The following ALKBH8 variants were observed in gnomAD, a reference collection of about 807,000 sequenced individuals.
The protein encoded by ALKBH8 is alkB homolog 8, tRNA methyltransferase.
Under a neutral mutation model 59.8 loss-of-function variants are expected in ALKBH8, and 36 were observed. That is an observed-to-expected ratio of 0.60 (90% CI 0.46 to 0.79). The LOEUF (loss-of-function observed/expected upper bound fraction) is 0.79. Among genes scored for constraint, ALKBH8 ranks in the 30% least tolerant of loss-of-function variants. The pLI, the probability that ALKBH8 is intolerant of heterozygous loss-of-function variation, is 0.00. For synonymous variants in ALKBH8, 276 were observed against 273.6 expected (o/e 1.01, Z -0.09); for missense variants, 768 against 801.0 (o/e 0.96, Z 0.50).
intron 2 of ALKBH8, among the ~76,000 whole-genome samples, chr11:107,558,628 C>T (rs573549779): frequency 1.4e-4 from 21 of 151,952 alleles, no homozygotes; most frequent in African/African-American, 4.6e-4. Context: ...TAAAGGTAAA[C>T]CACACAAAAA....
At chr11:107,526,539 G>GT (rs750852623) in intron 8 of ALKBH8, among the ~76,000 whole-genome samples, 1 of 151,720 alleles carries the variant, frequency 6.6e-6, no homozygotes, top group African/African-American at 2.4e-5. Flanking sequence ...CTGCCTTCTC[G>GT]TTTTCTCAAT....
At chr11:107,535,778 A>G (rs1005110362) in intron 7 of ALKBH8, among the ~76,000 whole-genome samples, 1 of 152,106 alleles carries the variant, frequency 6.6e-6, no homozygotes, top group Non-Finnish European at 1.5e-5. Context: ...ATGAACACAG[A>G]AAGTGTGAGA....
chr11:107,546,629 G>C (rs1864268816), intron 7 of ALKBH8, among the ~76,000 whole-genome samples: 1 of 152,064 alleles, frequency 6.6e-6, no homozygotes, highest in African/African-American at 2.4e-5. Context: ...GAGATATCTT[G>C]TTATATGAGA....
intron 10 of ALKBH8, among the ~76,000 whole-genome samples, chr11:107,517,990 T>C (rs926447865): frequency 1.3e-5 from 2 of 152,200 alleles, no homozygotes; most frequent in African/African-American, 4.8e-5. Context: ...AATGTATATA[T>C]ACTTTAAAAC....
At chr11:107,550,979 A>G (rs568991179) in intron 6 of ALKBH8, among the ~76,000 whole-genome samples, 1 of 152,234 alleles carries the variant, frequency 6.6e-6, no homozygotes, top group Non-Finnish European at 1.5e-5. Context: ...AAAGTAAAAA[A>G]TAAAACCCTT....
In ALKBH8 at chr11:107,553,188, T is replaced by C; in HGVS notation, c.515A>G (p.Lys172Arg). ...TDNQNSQKSL[K>R]HRRVKHFGYE... is the part of the protein sequence containing the mutation. Reference sequence around the variant, plus strand: ...ACCAAAATGCTTTACTCTTCTGTGTTTTAAGGATTTTTGAGCTGTGTGAAG... The same window carrying C: ...ACCAAAATGCTTTACTCTTCTGTGTCTTAAGGATTTTTGAGCTGTGTGAAG... The change falls in exon 5 of 12, where the codon AAA becomes AGA. Residue 172 changes from lysine (K) to arginine (R), a missense_variant. Transcript: ENST00000428149. 11 of 1,605,848 alleles carry C rather than the reference T, an allele frequency of 6.8e-6. No homozygotes were observed. The highest frequency in any genetic ancestry group is 9.4e-6 in the Non-Finnish European group (11 of 1,176,020).
intron 1 of ALKBH8, among the ~76,000 whole-genome samples, chr11:107,563,936 C>T (rs1359923373): frequency 6.6e-6 from 1 of 152,190 alleles, no homozygotes; most frequent in Non-Finnish European, 1.5e-5. Context: ...TTCCACCATT[C>T]CAGTGGCTAG....
chr11:107,531,487 T>A (rs573788736), intron 8 of ALKBH8, among the ~76,000 whole-genome samples: 2 of 152,298 alleles, frequency 1.3e-5, no homozygotes, highest in South Asian at 4.1e-4. Flanking sequence ...AAAGGAAAGT[T>A]GAGAAACTCT....
chr11:107,518,305 G>A (rs1862955668), intron 10 of ALKBH8, among the ~76,000 whole-genome samples: 1 of 152,098 alleles, frequency 6.6e-6, no homozygotes, highest in South Asian at 2.1e-4. Context: ...ATGTATGTAG[G>A]TATTTTTAGA....
intron 7 of ALKBH8, among the ~76,000 whole-genome samples, chr11:107,533,595 C>T (rs1303848879): frequency 6.6e-6 from 1 of 152,076 alleles, no homozygotes; most frequent in African/African-American, 2.4e-5. Flanking sequence ...TTCATATAGT[C>T]ATACCCTGAA....
chr11:107,512,632 TG>T (rs1281075151), intron 10 of ALKBH8, among the ~76,000 whole-genome samples: 18 of 152,302 alleles, frequency 1.2e-4, no homozygotes, highest in Admixed American at 4.6e-4. Context: ...GTTAAGTCAC[TG>T]ATAACTATCC....
chr11:107,536,775 C>A (rs1297380133), intron 7 of ALKBH8, among the ~76,000 whole-genome samples: 1 of 152,142 alleles, frequency 6.6e-6, no homozygotes, highest in Non-Finnish European at 1.5e-5. Flanking sequence ...AGGTTTCCAA[C>A]TCCCTCCTCC....
Position 107,556,769 on chromosome 11 carries a change from T to C in ALKBH8, c.364A>G (p.Lys122Glu). Reference sequence around the variant, plus strand: ...AAAGATAATTGTATGATAATACCTTTTTCCACAAAATTCAAATACAGAGTG... The same window carrying C: ...AAAGATAATTGTATGATAATACCTTCTTCCACAAAATTCAAATACAGAGTG... ...KITLYLNFVE[K>E]VQWKELRPQA... is the part of the protein sequence containing the mutation. Residue 122 changes from lysine (K) to glutamate (E), a missense_variant, in exon 3 of 12, where the codon AAA becomes GAA. Physicochemically the swap from Lys to Glu is moderately conservative, Grantham distance 56. Coordinates refer to ENST00000428149, the MANE Select transcript of ALKBH8 (RefSeq NM_138775.3). 7.4e-7 allele frequency: 1 copy of C among 1,350,902 alleles called. No individual in the cohort carries two copies. Among genetic ancestry groups the C allele is most frequent in the East Asian group, 2.7e-5 (1 of 36,450 alleles). The allele number at this position is 1,350,902 out of a possible 1,614,324, so 83.7% of individuals were successfully genotyped here.
chr11:107,553,632 G>A (rs1464166139), intron 4 of ALKBH8, among the ~76,000 whole-genome samples: 1 of 152,026 alleles, frequency 6.6e-6, no homozygotes, highest in African/African-American at 2.4e-5. Flanking sequence ...ATAAATGTTG[G>A]ATAATACTAA....
intron 7 of ALKBH8, among the ~76,000 whole-genome samples, chr11:107,541,824 A>G (rs939946764): frequency 6.6e-6 from 1 of 152,214 alleles, no homozygotes; most frequent in Non-Finnish European, 1.5e-5. Flanking sequence ...AACAGGCTAT[A>G]AAACAAAGAT....
chr11:107,504,813 T>C lies in ALKBH8; in HGVS notation c.1840A>G (p.Ile614Val), dbSNP rs1396878557. 6.4e-7 allele frequency: 1 copy of C among 1,551,874 alleles called. No individual in the cohort carries two copies. Among genetic ancestry groups the C allele is most frequent in the Non-Finnish European group, 8.7e-7 (1 of 1,147,014 alleles). Reference protein sequence around the residue: ...KGKPVEPFGPIGSQDPSPVFH... With the variant: ...KGKPVEPFGPVGSQDPSPVFH... ...ACAGGACTTGGGTCCTGGGATCCTATGGGACCAAATGGCTCAACAGGTTTG... is the reference window on the plus strand; with the variant it reads ...ACAGGACTTGGGTCCTGGGATCCTACGGGACCAAATGGCTCAACAGGTTTG... Residue 614 changes from isoleucine to valine, a missense_variant, in exon 12 of 12, where the codon ATA becomes GTA. Physicochemically the swap from Ile to Val is conservative, Grantham distance 29. Coordinates refer to ENST00000428149, the MANE Select transcript of ALKBH8 (RefSeq NM_138775.3).
At chr11:107,543,593 T>A (rs1591304382) in intron 7 of ALKBH8, among the ~76,000 whole-genome samples, 1 of 152,234 alleles carries the variant, frequency 6.6e-6, no homozygotes, top group East Asian at 1.9e-4. Flanking sequence ...TAGAGCTATA[T>A]GCTTAACAAG....
rs544804993 is a variant in ALKBH8, at chr11:107,508,399, C to T, written c.1437+2488G>A. The stretch of plus-strand genomic sequence containing the variant: ...TGTTGGCCAGTCTGGTCTCAGACTC[C>T]TGACCTCAAGTGATCCACTCGCTTT... On this transcript the variant is annotated intron_variant, in intron 11 of 11. Coordinates refer to ENST00000428149, the MANE Select transcript of ALKBH8 (RefSeq NM_138775.3). Among the ~76,000 whole-genome samples the T allele has an allele frequency of 7.2e-5, 11 of 152,288 alleles. No homozygotes were observed. In the South Asian group the frequency reaches 1.2e-3, roughly 17 times the overall value.
intron 10 of ALKBH8, among the ~76,000 whole-genome samples, chr11:107,518,418 G>A (rs1270192805): frequency 6.6e-6 from 1 of 152,052 alleles, no homozygotes; most frequent in East Asian, 1.9e-4. Context: ...GTTGGGAACA[G>A]GCCCCCCAAA....
Sources: allele counts gnomAD v4.1 joint callset (sites outside exome capture counted in the v4.1 genomes callset), GRCh38; gene constraint gnomAD v4.1.1; transcripts MANE v1.5; gene names NCBI Gene and HGNC (gene_info 2026-07-23, HGNC 2026-07-21).